GRIA4: variants seen among roughly 807,000 people sequenced by gnomAD.
GRIA4 encodes glutamate ionotropic receptor AMPA type subunit 4, also known as glutamate receptor 4.
Under a neutral mutation model 104.0 loss-of-function variants are expected in GRIA4, and 34 were observed. The observed-to-expected ratio is 0.33, with a 90% CI of 0.25 to 0.44. GRIA4 has a LOEUF of 0.44. Ranked by LOEUF, GRIA4 falls within the 20% of genes least tolerant of loss-of-function variation. The pLI, the probability that GRIA4 is intolerant of heterozygous loss-of-function variation, is 1.00. For missense variants in GRIA4, 750 were observed against 1,096.5 expected, an observed-to-expected ratio of 0.68 and a Z score of 4.46; for synonymous variants, 386 against 381.9, an observed-to-expected ratio of 1.01 and a Z score of -0.13.
rs369515861 is a variant in GRIA4 at position 105,697,054 on chromosome 11, G to C, written c.248-55927G>C. Among the ~76,000 whole-genome samples, 300 of 152,174 alleles carry C rather than the reference G, an allele frequency of 2.0e-3. 1 individual carries two copies. The Middle Eastern group carries it at 0.027, about 14-fold the overall frequency. ...GCTGGAATTATAGATGGAACCCACC[G>C]CACCCAGCCAACTTTTCCTGATATA... On this transcript the variant is annotated intron_variant, in intron 3 of 16. Transcript: ENST00000282499.
chr11:105,623,766 CT>C lies in GRIA4; in HGVS notation c.247+11340del, dbSNP rs144863495. Reference sequence around the variant, plus strand: ...ATCACATTGCCAACCTAATGATCATCTTTTTTTTATCACAATCTGTAACTAT... The same window carrying C: ...ATCACATTGCCAACCTAATGATCATCTTTTTTTATCACAATCTGTAACTAT... On this transcript the variant is annotated intron_variant, in intron 3 of 16. Transcript: ENST00000282499. Among the ~76,000 whole-genome samples the C allele has an allele frequency of 4.5e-3, 680 of 150,354 alleles. 3 individuals carry two copies. The highest frequency in any genetic ancestry group is 9.9e-3 in the Admixed American group (150 of 15,176).
At chr11:105,874,546 A>T (rs886960564) in intron 5 of GRIA4, among the ~76,000 whole-genome samples, 7 of 152,170 alleles carry the variant, frequency 4.6e-5, no homozygotes, top group African/African-American at 1.7e-4. Context: ...CTTCCTATCC[A>T]TAAGCATGGA....
intron 14 of GRIA4, among the ~76,000 whole-genome samples, chr11:105,959,230 A>G (rs887799594): frequency 6.6e-6 from 1 of 151,980 alleles, no homozygotes; most frequent in Admixed American, 6.6e-5. Flanking sequence ...CATTCTCCCT[A>G]TCTCCTTCTG....
At chr11:105,678,760 C>T (rs1413539018) in intron 3 of GRIA4, among the ~76,000 whole-genome samples, 1 of 151,914 alleles carries the variant, frequency 6.6e-6, no homozygotes, top group Non-Finnish European at 1.5e-5. Context: ...ATAAGTTATT[C>T]CAGGATAATT....
chr11:105,776,872 C>T (rs1445073599), intron 4 of GRIA4, among the ~76,000 whole-genome samples: 2 of 152,134 alleles, frequency 1.3e-5, no homozygotes. Flanking sequence ...ATTCCTGCTG[C>T]CTTTTCCTAA....
intron 3 of GRIA4, among the ~76,000 whole-genome samples, chr11:105,627,721 G>T (rs1950923374): frequency 6.6e-6 from 1 of 152,068 alleles, no homozygotes; most frequent in Non-Finnish European, 1.5e-5. Context: ...AAACCAAGTC[G>T]GTTATAATAA....
intron 3 of GRIA4, among the ~76,000 whole-genome samples, chr11:105,630,280 A>G (rs1374322934): frequency 6.6e-6 from 1 of 152,170 alleles, no homozygotes; most frequent in East Asian, 1.9e-4. Context: ...ATTAACACCC[A>G]CTAGGCCAGG....
At chr11:105,657,148 A>T (rs1411947331) in intron 3 of GRIA4, among the ~76,000 whole-genome samples, 1 of 152,036 alleles carries the variant, frequency 6.6e-6, no homozygotes, top group African/African-American at 2.4e-5. Context: ...GGATGTGGTA[A>T]CCTTCAGTTC....
intron 3 of GRIA4, among the ~76,000 whole-genome samples, chr11:105,726,777 C>T (rs1938238699): frequency 6.6e-6 from 1 of 152,018 alleles, no homozygotes; most frequent in African/African-American, 2.4e-5. Flanking sequence ...CTCCAGCAGA[C>T]CTGCAGAAGT....
chr11:105,752,698 T>C (rs1940075182), intron 3 of GRIA4, among the ~76,000 whole-genome samples: 1 of 152,058 alleles, frequency 6.6e-6, no homozygotes, highest in African/African-American at 2.4e-5. Flanking sequence ...AAGGCCATAT[T>C]TTTTTTATTT....
At chr11:105,870,124 T>A (rs1479099713) in intron 5 of GRIA4, among the ~76,000 whole-genome samples, 1 of 151,776 alleles carries the variant, frequency 6.6e-6, no homozygotes, top group Admixed American at 6.6e-5. Flanking sequence ...AAAGTTTTCT[T>A]TTTAAAACCA....
intron 13 of GRIA4, among the ~76,000 whole-genome samples, chr11:105,927,990 A>T (rs1475146230): frequency 6.6e-6 from 1 of 152,000 alleles, no homozygotes; most frequent in African/African-American, 2.4e-5. Context: ...GTGCCTACAT[A>T]CAGCACTTGA....
At chr11:105,858,896 C>T (rs1054326718) in intron 4 of GRIA4, among the ~76,000 whole-genome samples, 2 of 152,092 alleles carry the variant, frequency 1.3e-5, no homozygotes, top group Non-Finnish European at 2.9e-5. Context: ...TGTTAGACAG[C>T]TTTTTAGAGT....
Position 105,965,234 on chromosome 11 carries a change from G to T in GRIA4, c.2295-6680G>T, listed in dbSNP as rs566561238. Among the ~76,000 whole-genome samples, 5 of 151,912 alleles carry T rather than the reference G, an allele frequency of 3.3e-5. No individual in the cohort carries two copies. In the East Asian group the frequency reaches 7.8e-4, roughly 24 times the overall value. On this transcript the variant is annotated intron_variant, in intron 14 of 16. Transcript: ENST00000282499. ...GCAAAGTCAGTATCACATGCAGCAT[G>T]ACATCCTGGGGTTTAATTACTTAAA...
chr11:105,668,962 A>G (rs1038334983), intron 3 of GRIA4, among the ~76,000 whole-genome samples: 1 of 151,802 alleles, frequency 6.6e-6, no homozygotes, highest in Non-Finnish European at 1.5e-5. Context: ...GGACATTGCC[A>G]CCTAGATATC....
intron 4 of GRIA4, among the ~76,000 whole-genome samples, chr11:105,785,475 G>T (rs970267375): frequency 6.6e-6 from 1 of 152,136 alleles, no homozygotes; most frequent in Admixed American, 6.5e-5. Flanking sequence ...TTAGATGATT[G>T]CTATAAAGTA....
At chr11:105,734,978 G>A (rs1484574623) in intron 3 of GRIA4, among the ~76,000 whole-genome samples, 1 of 152,096 alleles carries the variant, frequency 6.6e-6, no homozygotes, top group Non-Finnish European at 1.5e-5. Context: ...TTATAGCCAC[G>A]ATGATATTAA....
chr11:105,809,035 T>C (rs1943065738), intron 4 of GRIA4, among the ~76,000 whole-genome samples: 1 of 152,144 alleles, frequency 6.6e-6, no homozygotes, highest in Non-Finnish European at 1.5e-5. Flanking sequence ...TATTTGTTAA[T>C]AGTGGTTCAT....
intron 4 of GRIA4, among the ~76,000 whole-genome samples, chr11:105,811,750 C>A (rs1056560496): frequency 6.6e-6 from 1 of 152,160 alleles, no homozygotes; most frequent in African/African-American, 2.4e-5. Flanking sequence ...TTCACCTGAG[C>A]ATCCTGCATT....
Sources: gnomAD v4.1 joint callset for allele counts (sites outside exome capture counted in the v4.1 genomes callset) on GRCh38, gnomAD v4.1.1 for gene constraint, MANE v1.5 for transcripts, NCBI Gene and HGNC (gene_info 2026-07-23, HGNC 2026-07-21) for gene names.